Variants in PTPRM observed in about 807,000 individuals in gnomAD.
PTPRM encodes receptor-type tyrosine-protein phosphatase mu.
A neutral mutation model predicts 186.7 loss-of-function variants in PTPRM; 47 were observed. The ratio of observed to expected loss-of-function variants is 0.25; its 90% CI spans 0.20 to 0.32. The LOEUF (loss-of-function observed/expected upper bound fraction) is 0.32, where lower values mean the gene tolerates loss of function less well. Ranked by LOEUF, PTPRM falls within the 10% of genes least tolerant of loss-of-function variation. The probability of loss-of-function intolerance (pLI) is 1.00; values close to 1 mark genes in which losing one functional copy is unlikely to be tolerated. For synonymous variants in PTPRM, 668 were observed against 674.9 expected, an observed-to-expected ratio of 0.99 and a Z score of 0.16; for missense variants, 1,494 against 1,865.0, an observed-to-expected ratio of 0.80 and a Z score of 3.66.
intron 3 of PTPRM, among the ~76,000 whole-genome samples, chr18:7,905,074 A>G (rs2049907555): frequency 6.6e-6 from 1 of 151,522 alleles, no homozygotes; most frequent in African/African-American, 2.4e-5. Flanking sequence ...GCTCACTGCA[A>G]CCTCCGCCTC....
At chr18:8,362,598 G>T (rs2095603762) in intron 23 of PTPRM, among the ~76,000 whole-genome samples, 1 of 152,028 alleles carries the variant, frequency 6.6e-6, no homozygotes, top group Admixed American at 6.6e-5. Context: ...AACTCCCCAA[G>T]TCTAGAATAT....
intron 24 of PTPRM, among the ~76,000 whole-genome samples, chr18:8,371,962 T>G (rs576850974): frequency 6.6e-6 from 1 of 151,864 alleles, no homozygotes; most frequent in Admixed American, 6.6e-5. Context: ...TGTTAGCTTC[T>G]ACTCATGTAA....
chr18:7,631,475 C>T (rs2038190637), intron 1 of PTPRM, among the ~76,000 whole-genome samples: 3 of 146,448 alleles, frequency 2.0e-5, no homozygotes, highest in Admixed American at 1.4e-4. Context: ...TGTAATTTCA[C>T]GATATGCCGG....
chr18:7,843,214 A>G (rs1431942265), intron 2 of PTPRM, among the ~76,000 whole-genome samples: 1 of 152,030 alleles, frequency 6.6e-6, no homozygotes, highest in African/African-American at 2.4e-5. Context: ...GTTAAGCTTT[A>G]TTGCCTCTTA....
At chr18:8,299,672 C>CTTTTT (rs997437778) in intron 20 of PTPRM, among the ~76,000 whole-genome samples, 3 of 152,044 alleles carry the variant, frequency 2.0e-5, no homozygotes, top group Non-Finnish European at 4.4e-5. Context: ...GGTTGGCAAA[C>CTTTTT]TTTTTTCTGT....
intron 7 of PTPRM, among the ~76,000 whole-genome samples, chr18:8,038,349 TG>T (rs1333101872): frequency 2.0e-5 from 3 of 151,808 alleles, no homozygotes; most frequent in African/African-American, 7.3e-5. Flanking sequence ...TTCTGGGTTT[TG>T]TTTTTATTTT....
At chr18:8,000,832 A>G (rs2083827145) in intron 7 of PTPRM, among the ~76,000 whole-genome samples, 2 of 152,352 alleles carry the variant, frequency 1.3e-5, no homozygotes, top group Middle Eastern at 3.4e-3. Flanking sequence ...AGTAGCTTTT[A>G]CAATTGCCAA....
intron 19 of PTPRM, among the ~76,000 whole-genome samples, chr18:8,275,543 C>T (rs1045276722): frequency 2.0e-5 from 3 of 152,180 alleles, no homozygotes; most frequent in Non-Finnish European, 2.9e-5. Flanking sequence ...GGCATGAATG[C>T]GGTCAGAAAG....
At chr18:7,768,047 G>A (rs2042095462) in intron 1 of PTPRM, among the ~76,000 whole-genome samples, 1 of 152,196 alleles carries the variant, frequency 6.6e-6, no homozygotes, top group South Asian at 2.1e-4. Context: ...TGTTTATCAT[G>A]CAGCCTGCTC....
intron 11 of PTPRM, among the ~76,000 whole-genome samples, chr18:8,097,985 C>G (rs80196447): frequency 3.7e-4 from 57 of 152,300 alleles, no homozygotes; most frequent in African/African-American, 1.2e-3. Context: ...CTACATTTAG[C>G]TTTAGGTTTA....
chr18:8,190,282 C>T (rs759094), intron 14 of PTPRM, among the ~76,000 whole-genome samples: 13,026 of 152,252 alleles, frequency 0.086, 650 homozygotes, highest in Middle Eastern at 0.32. Context: ...CCTCCCTCCC[C>T]ACACAGCCTC....
intron 4 of PTPRM, among the ~76,000 whole-genome samples, chr18:7,921,970 G>T (rs772734797): frequency 5.3e-5 from 8 of 152,122 alleles, no homozygotes; most frequent in Non-Finnish European, 1.2e-4. Context: ...TGAAGGGTTG[G>T]TTATTTATTC....
intron 5 of PTPRM, among the ~76,000 whole-genome samples, chr18:7,945,976 G>T (rs12956961): frequency 0.19 from 29,391 of 152,078 alleles, 3,089 homozygotes; most frequent in African/African-American, 0.25. Context: ...TGAAGCTGAA[G>T]CTGACTTTTC....
At chr18:8,368,450 T>G (rs2095645235) in intron 23 of PTPRM, among the ~76,000 whole-genome samples, 1 of 152,096 alleles carries the variant, frequency 6.6e-6, no homozygotes, top group Non-Finnish European at 1.5e-5. Flanking sequence ...CAAATAATAT[T>G]CCCATAATGA....
chr18:7,655,077 T>C (rs891282451), intron 1 of PTPRM, among the ~76,000 whole-genome samples: 1 of 152,246 alleles, frequency 6.6e-6, no homozygotes, highest in African/African-American at 2.4e-5. Flanking sequence ...ATTCTTCATA[T>C]TCAGGAGCAT....
At chr18:8,137,848 C>G (rs2092673661) in intron 13 of PTPRM, among the ~76,000 whole-genome samples, 1 of 152,076 alleles carries the variant, frequency 6.6e-6, no homozygotes, top group Non-Finnish European at 1.5e-5. Context: ...TCCCTCATCC[C>G]CTCCACTCTT....
chr18:7,849,171 C>T (rs1348407), intron 2 of PTPRM, among the ~76,000 whole-genome samples: 102,443 of 152,094 alleles, frequency 0.67, 34,976 homozygotes, highest in East Asian at 0.96. Flanking sequence ...TTTCATGCAG[C>T]GGCCAAACTG....
intron 14 of PTPRM, among the ~76,000 whole-genome samples, chr18:8,186,591 T>C (rs934614781): frequency 1.3e-5 from 2 of 152,202 alleles, no homozygotes; most frequent in South Asian, 2.1e-4. Flanking sequence ...CTCTTGTGCA[T>C]GGCCCTCAAA....
At chr18:8,143,611 T>C (rs1447552058) in intron 13 of PTPRM, 36 bp from the exon 14 acceptor site, 17 of 1,562,328 alleles carry the variant, frequency 1.1e-5, no homozygotes, top group African/African-American at 9.5e-5. Context: ...CTCTCTTACC[T>C]ACAGTCTCTC....
Sources: allele counts gnomAD v4.1 joint callset (sites outside exome capture counted in the v4.1 genomes callset), GRCh38; gene constraint gnomAD v4.1.1; transcripts MANE v1.5; gene names NCBI Gene and HGNC (gene_info 2026-07-23, HGNC 2026-07-21).